Variants in WWOX observed in about 807,000 individuals in gnomAD.
The protein encoded by WWOX is WW domain-containing oxidoreductase.
In WWOX, 69 loss-of-function variants were observed where a neutral mutation model predicts 46.2. That is an observed-to-expected ratio of 1.49 (90% CI 1.23 to 1.82). The LOEUF (loss-of-function observed/expected upper bound fraction) is 1.82, where lower values mean the gene tolerates loss of function less well. Ranked by LOEUF, WWOX falls within the 40% of genes most tolerant of loss-of-function variation. WWOX has a pLI of 0.00. For missense variants in WWOX, 919 were observed against 542.6 expected, an observed-to-expected ratio of 1.69 and a Z score of -6.89; for synonymous variants, 359 against 202.6, an observed-to-expected ratio of 1.77 and a Z score of -6.56.
intron 8 of WWOX, among the ~76,000 whole-genome samples, chr16:78,970,690 T>C (rs189544171): frequency 6.6e-6 from 1 of 152,224 alleles, no homozygotes; most frequent in South Asian, 2.1e-4. Flanking sequence ...GGCCATAATT[T>C]AAAAAGATAG....
intron 8 of WWOX, among the ~76,000 whole-genome samples, chr16:78,963,013 T>C (rs1296123451): frequency 6.6e-6 from 1 of 152,230 alleles, no homozygotes; most frequent in Non-Finnish European, 1.5e-5. Flanking sequence ...CAACAGTTTG[T>C]ATTATGAAAA....
intron 8 of WWOX, among the ~76,000 whole-genome samples, chr16:78,706,765 C>T (rs866376928): frequency 2.0e-5 from 3 of 152,166 alleles, no homozygotes; most frequent in Non-Finnish European, 4.4e-5. Context: ...ATGGTTCTTC[C>T]TGACAGCTAC....
chr16:78,229,533 A>ATATATATATAT (rs369604047), intron 5 of WWOX, among the ~76,000 whole-genome samples: 2 of 145,520 alleles, frequency 1.4e-5, no homozygotes, highest in African/African-American at 5.1e-5. Context: ...TATATATATA[A>ATATATATATAT]AATAATGAAT....
chr16:79,005,226 C>T (rs2151369297), intron 8 of WWOX, among the ~76,000 whole-genome samples: 1 of 152,204 alleles, frequency 6.6e-6, no homozygotes, highest in South Asian at 2.1e-4. Flanking sequence ...GCCATCTCCA[C>T]CCACCTACAG....
intron 8 of WWOX, among the ~76,000 whole-genome samples, chr16:79,001,252 C>G (rs2047087144): frequency 3.3e-5 from 5 of 152,170 alleles, no homozygotes; most frequent in Admixed American, 3.3e-4. Context: ...TTTGCCTCCT[C>G]TCCCAAGACA....
chr16:78,160,977 T>G (rs917240796), intron 4 of WWOX, among the ~76,000 whole-genome samples: 1 of 152,192 alleles, frequency 6.6e-6, no homozygotes, highest in Non-Finnish European at 1.5e-5. Context: ...CATATAAATT[T>G]AGAATTGTCA....
intron 8 of WWOX, among the ~76,000 whole-genome samples, chr16:78,700,749 T>C (rs1213619673): frequency 1.3e-5 from 2 of 152,142 alleles, no homozygotes; most frequent in Non-Finnish European, 2.9e-5. Flanking sequence ...GAACCAGGGA[T>C]TGGAGGAACA....
chr16:79,074,233 T>A (rs192292946), intron 8 of WWOX, among the ~76,000 whole-genome samples: 1 of 151,754 alleles, frequency 6.6e-6, no homozygotes, highest in African/African-American at 2.4e-5. Context: ...ATTTCTATTT[T>A]TTTAAAAAAT....
intron 8 of WWOX, among the ~76,000 whole-genome samples, chr16:78,945,976 C>T (rs2045941344): frequency 6.6e-6 from 1 of 152,112 alleles, no homozygotes; most frequent in East Asian, 1.9e-4. Context: ...ATCACCTGTC[C>T]TGCCTTCCTC....
At chr16:78,495,113 A>T (rs1332822867) in intron 8 of WWOX, among the ~76,000 whole-genome samples, 1 of 150,398 alleles carries the variant, frequency 6.6e-6, no homozygotes, top group Admixed American at 6.7e-5. Context: ...ATAAGAAAAG[A>T]TATAGAAAGA....
intron 8 of WWOX, among the ~76,000 whole-genome samples, chr16:78,961,044 C>G (rs187443441): frequency 1.3e-3 from 195 of 152,240 alleles, no homozygotes; most frequent in Middle Eastern, 0.01. Flanking sequence ...CTCCATACAT[C>G]TGGGCATGAT....
intron 8 of WWOX, among the ~76,000 whole-genome samples, chr16:78,784,813 G>C (rs77767384): frequency 0.052 from 7,843 of 152,150 alleles, 608 homozygotes; most frequent in African/African-American, 0.17. Flanking sequence ...ACATGTGTCG[G>C]TCCCAAGGAT....
At chr16:79,018,324 ACT>A (rs1190182725) in intron 8 of WWOX, among the ~76,000 whole-genome samples, 1 of 152,186 alleles carries the variant, frequency 6.6e-6, no homozygotes, top group Non-Finnish European at 1.5e-5. Flanking sequence ...TTAAATACCT[ACT>A]CATGCTTTGG....
At chr16:78,496,589 G>C (rs574846983) in intron 8 of WWOX, among the ~76,000 whole-genome samples, 4 of 152,212 alleles carry the variant, frequency 2.6e-5, no homozygotes, top group African/African-American at 9.6e-5. Flanking sequence ...AAATGGATTT[G>C]TCCCATTACA....
chr16:78,771,185 A>T (rs559334832), intron 8 of WWOX, among the ~76,000 whole-genome samples: 1 of 152,302 alleles, frequency 6.6e-6, no homozygotes, highest in South Asian at 2.1e-4. Context: ...ATAGTCTTGA[A>T]CACAGAACTG....
chr16:78,731,408 G>A (rs2048965996), intron 8 of WWOX, among the ~76,000 whole-genome samples: 1 of 152,040 alleles, frequency 6.6e-6, no homozygotes, highest in South Asian at 2.1e-4. Flanking sequence ...CGGCTCCTTG[G>A]GAAATCTTTC....
chr16:78,275,206 C>T (rs1325929142), intron 5 of WWOX, among the ~76,000 whole-genome samples: 1 of 152,140 alleles, frequency 6.6e-6, no homozygotes, highest in Non-Finnish European at 1.5e-5. Context: ...GTGTTTGCTG[C>T]CCCCACCCCC....
intron 8 of WWOX, among the ~76,000 whole-genome samples, chr16:78,580,612 A>C (rs1371460935): frequency 6.6e-6 from 1 of 152,198 alleles, no homozygotes; most frequent in African/African-American, 2.4e-5. Flanking sequence ...TTACCTTTAC[A>C]ATCCAACAAC....
intron 8 of WWOX, among the ~76,000 whole-genome samples, chr16:78,927,676 C>G (rs1294031166): frequency 6.6e-6 from 1 of 152,148 alleles, no homozygotes; most frequent in Non-Finnish European, 1.5e-5. Flanking sequence ...GCATAATTAT[C>G]AGACTTAATC....
Sources: allele counts gnomAD v4.1 joint callset (sites outside exome capture counted in the v4.1 genomes callset), GRCh38; gene constraint gnomAD v4.1.1; transcripts MANE v1.5; gene names NCBI Gene and HGNC (gene_info 2026-07-23, HGNC 2026-07-21).